FARP1: variants seen among roughly 807,000 people sequenced by gnomAD.
FARP1 encodes the protein FERM, ARHGEF and pleckstrin domain-containing protein 1.
FARP1 carries 52 observed loss-of-function variants against 128.8 expected under a neutral mutation model. The observed-to-expected ratio is 0.40, with a 90% CI of 0.32 to 0.51. FARP1 has a LOEUF of 0.51. Ranked by LOEUF, FARP1 falls within the 20% of genes least tolerant of loss-of-function variation. The pLI is 0.45. For synonymous variants in FARP1, 580 were observed against 551.8 expected, an observed-to-expected ratio of 1.05 and a Z score of -0.72; for missense variants, 1,333 against 1,367.9, an observed-to-expected ratio of 0.97 and a Z score of 0.40.
intron 2 of FARP1, among the ~76,000 whole-genome samples, chr13:98,216,691 T>C (rs1178492610): frequency 6.6e-6 from 1 of 152,202 alleles, no homozygotes; most frequent in Admixed American, 6.5e-5. Context: ...CGTCCTTCTT[T>C]GTACCCTAAA....
intron 2 of FARP1, among the ~76,000 whole-genome samples, chr13:98,294,545 G>A (rs757683107): frequency 6.6e-6 from 1 of 152,008 alleles, no homozygotes; most frequent in African/African-American, 2.4e-5. Flanking sequence ...ATTACTTTTC[G>A]GCACAAGTCA....
intron 2 of FARP1, among the ~76,000 whole-genome samples, chr13:98,248,602 C>A (rs1369135831): frequency 6.6e-6 from 1 of 152,180 alleles, no homozygotes; most frequent in Non-Finnish European, 1.5e-5. Flanking sequence ...AATCCACCTA[C>A]TCCCTAAAAT....
intron 2 of FARP1, among the ~76,000 whole-genome samples, chr13:98,284,791 TG>T (rs1446480831): frequency 6.6e-6 from 1 of 152,212 alleles, no homozygotes; most frequent in Non-Finnish European, 1.5e-5. Flanking sequence ...GTAATTTGAG[TG>T]AAGTGTTGGA....
At chr13:98,174,558 G>A (rs1877862710) in intron 1 of FARP1, among the ~76,000 whole-genome samples, 1 of 152,182 alleles carries the variant, frequency 6.6e-6, no homozygotes, top group Non-Finnish European at 1.5e-5. Flanking sequence ...GGACTTAGGG[G>A]TAGGGCCCAG....
intron 2 of FARP1, among the ~76,000 whole-genome samples, chr13:98,337,570 T>C (rs1193470790): frequency 6.6e-6 from 1 of 151,584 alleles, no homozygotes; most frequent in Admixed American, 6.6e-5. Context: ...TGTGTGTGTG[T>C]GTGTGTGTGT....
intron 2 of FARP1, among the ~76,000 whole-genome samples, chr13:98,310,396 T>G (rs1886406523): frequency 6.6e-6 from 1 of 152,212 alleles, no homozygotes; most frequent in African/African-American, 2.4e-5. Context: ...GACACAGACA[T>G]CCTCATCATC....
intron 8 of FARP1, among the ~76,000 whole-genome samples, chr13:98,387,759 A>G (rs906853485): frequency 2.0e-5 from 3 of 152,150 alleles, no homozygotes; most frequent in African/African-American, 7.2e-5. Flanking sequence ...CTGGCCTCCC[A>G]TCCTCAGTTC....
chr13:98,315,279 A>C (rs1886670936), intron 2 of FARP1, among the ~76,000 whole-genome samples: 1 of 152,044 alleles, frequency 6.6e-6, no homozygotes, highest in Non-Finnish European at 1.5e-5. Context: ...CAGCTGTTTA[A>C]CGTTTTTGCT....
chr13:98,358,320 C>T (rs1469918002), intron 3 of FARP1, among the ~76,000 whole-genome samples: 1 of 152,044 alleles, frequency 6.6e-6, no homozygotes, highest in Non-Finnish European at 1.5e-5. Context: ...CTGGGGCGCT[C>T]ACAGGGATCA....
At chr13:98,288,829 T>G (rs538426734) in intron 2 of FARP1, among the ~76,000 whole-genome samples, 1 of 152,356 alleles carries the variant, frequency 6.6e-6, no homozygotes, top group Admixed American at 6.5e-5. Context: ...ATGTGGTGTT[T>G]AAATGTTTTG....
At chr13:98,151,033 C>T (rs1424379441) in intron 1 of FARP1, among the ~76,000 whole-genome samples, 1 of 151,888 alleles carries the variant, frequency 6.6e-6, no homozygotes, top group East Asian at 1.9e-4. Flanking sequence ...CGGTCAACCA[C>T]AGTCTGAATA....
rs1878058797 is a variant in FARP1 at position 98,176,607 on chromosome 13, G to A, written c.-24+33115G>A. ...CGGAACGGTCGTGGAGGAATTTGCA[G>A]CTGTCCCCGAAGCCACAGAAGCCAG... is the stretch of plus-strand genomic sequence containing the variant. On this transcript the variant is annotated intron_variant, in intron 1 of 26. Transcript: ENST00000319562. The surrounding 1 kb of genome is among the most constrained non-coding windows in gnomAD (Gnocchi z 6.2). The A allele has an allele frequency of 6.2e-7, 1 of 1,614,232 alleles. No homozygotes were observed. The highest frequency in any genetic ancestry group is 8.5e-7 in the Non-Finnish European group (1 of 1,180,046).
chr13:98,199,181 C>T (rs566064622), intron 1 of FARP1, among the ~76,000 whole-genome samples: 28 of 151,900 alleles, frequency 1.8e-4, no homozygotes, highest in Middle Eastern at 3.4e-3. Flanking sequence ...TGAGTCCTAC[C>T]CACACCATGC....
chr13:98,439,668 G>T (rs1176684163), intron 21 of FARP1, among the ~76,000 whole-genome samples: 1 of 152,154 alleles, frequency 6.6e-6, no homozygotes, highest in Non-Finnish European at 1.5e-5. Flanking sequence ...AGGTGTAGAG[G>T]GCGCCTGGGC....
At chr13:98,268,568 A>G (rs59561440) in intron 2 of FARP1, among the ~76,000 whole-genome samples, 3,843 of 152,182 alleles carry the variant, frequency 0.025, 56 homozygotes, top group East Asian at 0.038. Context: ...CCTGGGTTCA[A>G]ATGATTCTCC....
chr13:98,389,915 A>G (rs759383528), intron 9 of FARP1, 42 bp from the exon 10 acceptor site: 31 of 1,598,344 alleles, frequency 1.9e-5, no homozygotes, highest in African/African-American at 1.3e-4. Flanking sequence ...TGGTGTATCT[A>G]TGGGTAATGG....
At position 98,181,527 on chromosome 13, in the gene FARP1, A is replaced by T. The variant is rs1263714728; in HGVS notation, c.-23-31693A>T. Among the ~76,000 whole-genome samples the T allele has an allele frequency of 1.3e-4, 19 of 151,700 alleles. No homozygotes were observed. In the East Asian group the frequency reaches 2.5e-3, roughly 20 times the overall value. On this transcript the variant is annotated intron_variant, in intron 1 of 26. Coordinates refer to ENST00000319562, the MANE Select transcript of FARP1 (RefSeq NM_005766.4). ...GGAAGAAGTGATACATTCTCATTAT[A>T]AAAAAAATACAAAAAAGTAAAAAGA... is the stretch of plus-strand genomic sequence containing the variant.
At chr13:98,254,934 G>A (rs1463155539) in intron 2 of FARP1, among the ~76,000 whole-genome samples, 2 of 146,686 alleles carry the variant, frequency 1.4e-5, no homozygotes, top group African/African-American at 5.3e-5. Context: ...ATCCTTTTGT[G>A]GCATCTTCCT....
At chr13:98,335,866 C>T (rs1178684358) in intron 2 of FARP1, among the ~76,000 whole-genome samples, 1 of 152,142 alleles carries the variant, frequency 6.6e-6, no homozygotes, top group Non-Finnish European at 1.5e-5. Context: ...ACAAGGCCTT[C>T]GAGACCAGCC....
Sources: allele counts gnomAD v4.1 joint callset (sites outside exome capture counted in the v4.1 genomes callset), GRCh38; gene constraint gnomAD v4.1.1; non-coding constraint Gnocchi (gnomAD v3.1); transcripts MANE v1.5; gene names NCBI Gene and HGNC (gene_info 2026-07-23, HGNC 2026-07-21).